Variants in C5orf22 observed in about 807,000 individuals in gnomAD.
C5orf22 encodes chromosome 5 open reading frame 22, also known as UPF0489 protein C5orf22.
C5orf22 carries 36 observed loss-of-function variants against 48.7 expected under a neutral mutation model. That is an observed-to-expected ratio of 0.74 (90% CI 0.57 to 0.98). C5orf22 has a LOEUF of 0.98. Ranked by LOEUF, C5orf22 falls within the 50% of genes least tolerant of loss-of-function variation. The pLI is 0.00. For missense variants in C5orf22, 486 were observed against 521.9 expected (o/e 0.93, Z 0.67); for synonymous variants, 141 against 180.8 (o/e 0.78, Z 1.76).
intron 3 of C5orf22, among the ~76,000 whole-genome samples, chr5:31,537,325 C>T (rs1357508119): frequency 6.6e-6 from 1 of 152,184 alleles, no homozygotes; most frequent in East Asian, 1.9e-4. Flanking sequence ...TTGACAAATA[C>T]TTGCATGTTT....
In C5orf22 at chr5:31,538,272, A is replaced by G. The variant is rs1412694468; in HGVS notation, c.390A>G (p.Thr130=). ...TCCTCTGATTCAGGGTTACAAGTAC[A>G]GATCATTATTTCCTAAGTGATGGTC... ...TSTTTIRVTS[T]DHYFLSDGLY... Residue 130 remains threonine, a synonymous_variant, in exon 4 of 9, where the codon ACA becomes ACG. Coordinates refer to ENST00000325366, the MANE Select transcript of C5orf22 (RefSeq NM_018356.3). 6.3e-7 allele frequency: 1 copy of G among 1,596,760 alleles called. No individual in the cohort carries two copies. The highest frequency in any genetic ancestry group is 2.2e-5 in the East Asian group (1 of 44,604).
intron 3 of C5orf22, among the ~76,000 whole-genome samples, chr5:31,536,739 A>G (rs1490371846): frequency 6.6e-6 from 1 of 152,212 alleles, no homozygotes; most frequent in African/African-American, 2.4e-5. Flanking sequence ...TTTTTATTGT[A>G]TAAGCTATTT....
At chr5:31,550,779 C>T (rs567511180) in intron 7 of C5orf22, among the ~76,000 whole-genome samples, 1 of 152,246 alleles carries the variant, frequency 6.6e-6, no homozygotes, top group African/African-American at 2.4e-5. Flanking sequence ...TCAGGCTGGT[C>T]TCCAACTCCC....
Position 31,552,801 on chromosome 5 carries a change from G to T in C5orf22, c.1228G>T (p.Asp410Tyr). ...AAGTCTGGATGATTACTGTCCTTCT[G>T]ACCAAGTTGACACTATTCAAGAAAA... is the stretch of plus-strand genomic sequence containing the variant. ...RSSLDDYCPS[D>Y]QVDTIQEKVL... Residue 410 changes from aspartate (D) to tyrosine (Y), a missense_variant, in exon 9 of 9, where the codon GAC (aspartate) becomes TAC (tyrosine). Coordinates refer to ENST00000325366, the MANE Select transcript of C5orf22 (RefSeq NM_018356.3). 2 of 1,613,440 alleles carry T rather than the reference G, an allele frequency of 1.2e-6. No individual in the cohort carries two copies. The highest frequency in any genetic ancestry group is 2.2e-5 in the South Asian group (2 of 91,000).
chr5:31,535,324 T>TTTCTCATTTTGCCACACATAATA (rs1742008342), intron 2 of C5orf22, among the ~76,000 whole-genome samples: 1 of 152,238 alleles, frequency 6.6e-6, no homozygotes, highest in Non-Finnish European at 1.5e-5. Flanking sequence ...TTTCTGTGCA[T>TTTCTCATTTTGCCACACATAATA]TTCTCATTTT....
At chr5:31,547,069 C>A (rs990286852) in intron 7 of C5orf22, among the ~76,000 whole-genome samples, 8 of 152,232 alleles carry the variant, frequency 5.3e-5, no homozygotes, top group Admixed American at 2.0e-4. Context: ...TTCCTAGATA[C>A]AATGGATGTA....
At chr5:31,541,834 T>C (rs948030526) in intron 6 of C5orf22, among the ~76,000 whole-genome samples, 4 of 152,210 alleles carry the variant, frequency 2.6e-5, no homozygotes. Context: ...GTAGACATTA[T>C]TGAGTGTTTT....
In C5orf22 at chr5:31,538,545, A is replaced by T. The variant is rs1279609387; in HGVS notation, c.663A>T (p.Ser221=). The T allele has an allele frequency of 2.5e-6, 4 of 1,614,052 alleles. No individual in the cohort carries two copies. The highest frequency in any genetic ancestry group is 3.4e-6 in the Non-Finnish European group (4 of 1,180,016). ...AGACTTGCCTAGAACCATCATGTTC[A>T]TGTTCTTCTGAAAATCAGGAATGCC... ...SDQTCLEPSC[S]CSSENQECQT... The change falls in exon 4 of 9, where the codon TCA becomes TCT. Residue 221 remains serine (S), a synonymous_variant. Coordinates refer to ENST00000325366, the MANE Select transcript of C5orf22 (RefSeq NM_018356.3).
In C5orf22 at chr5:31,532,366, T is replaced by C; in HGVS notation, c.-27T>C. 1 of 1,613,390 alleles carries C rather than the reference T, an allele frequency of 6.2e-7. No homozygotes were observed. Among genetic ancestry groups the C allele is most frequent in the Admixed American group, 1.7e-5 (1 of 60,016 alleles). ...GGGTCTTCTCCAGCTGCCACCGCTT[T>C]ACTGCAAAACTGACGGGCGCAAAAA... On this transcript the variant is annotated 5_prime_UTR_variant, in exon 1 of 9. Coordinates refer to ENST00000325366, the MANE Select transcript of C5orf22 (RefSeq NM_018356.3).
intron 6 of C5orf22, among the ~76,000 whole-genome samples, chr5:31,541,935 A>G (rs1480524770): frequency 6.6e-6 from 1 of 152,074 alleles, no homozygotes; most frequent in Non-Finnish European, 1.5e-5. Flanking sequence ...TGTCAATTTT[A>G]TAGATGAGGA....
Position 31,541,309 on chromosome 5 carries a change from G to T in C5orf22, c.899G>T (p.Arg300Leu). 1 of 1,609,168 alleles carries T rather than the reference G, an allele frequency of 6.2e-7. No individual in the cohort carries two copies. Among genetic ancestry groups the T allele is most frequent in the Non-Finnish European group, 8.5e-7 (1 of 1,175,646 alleles). ...GATTTGGTAGATATTGTTGATACTC[G>T]AATTCATCAATTAGAGGATTTAGAA... Reference protein sequence around the residue: ...EEDLVDIVDTRIHQLEDLEAT... With the variant: ...EEDLVDIVDTLIHQLEDLEAT... Residue 300 changes from arginine to leucine, a missense_variant, in exon 6 of 9, where the codon CGA becomes CTA. Coordinates refer to ENST00000325366, the MANE Select transcript of C5orf22 (RefSeq NM_018356.3).
intron 5 of C5orf22, 21 bp from the exon 6 acceptor site, chr5:31,541,260 A>G: frequency 2.5e-6 from 4 of 1,606,104 alleles, no homozygotes; most frequent in African/African-American, 1.3e-5. Flanking sequence ...ATATAATCTC[A>G]GCTTTTCAAT....
intron 6 of C5orf22, among the ~76,000 whole-genome samples, chr5:31,544,022 C>T (rs1742648761): frequency 6.6e-6 from 1 of 151,984 alleles, no homozygotes; most frequent in Admixed American, 6.6e-5. Context: ...CAACCATGAC[C>T]CTAAAGAGCC....
Position 31,553,326 on chromosome 5 carries a change from C to T in C5orf22, c.*424C>T. On this transcript the variant is annotated 3_prime_UTR_variant, in exon 9 of 9. Coordinates refer to ENST00000325366, the MANE Select transcript of C5orf22 (RefSeq NM_018356.3). Reference sequence around the variant, plus strand: ...TGGTAATGAACAGAATAGACAAGGCCCCTGCCCTTTTAGGGGAGACAGATG... The same window carrying T: ...TGGTAATGAACAGAATAGACAAGGCTCCTGCCCTTTTAGGGGAGACAGATG... 6.4e-6 allele frequency: 1 copy of T among 156,302 alleles called. No homozygotes were observed. The highest frequency in any genetic ancestry group is 1.4e-5 in the Non-Finnish European group (1 of 70,550). The allele number at this position is 156,302 out of a possible 1,614,324, so 9.7% of individuals were successfully genotyped here.
intron 4 of C5orf22, 76 bp from the exon 5 acceptor site, chr5:31,540,872 CT>C: frequency 1.9e-6 from 2 of 1,028,596 alleles, no homozygotes; most frequent in Non-Finnish European, 3.0e-6. Flanking sequence ...GGAAGGTTGT[CT>C]CTTCCTTAAA....
chr5:31,548,089 G>T lies in C5orf22; in HGVS notation c.1059+2377G>T, dbSNP rs2877200. ...GGCCAAGGCTGGCGGATCATTTGAG[G>T]CCAGGAGTTCAAGACCAACCTGGCC... is the stretch of plus-strand genomic sequence containing the variant. On this transcript the variant is annotated intron_variant, in intron 7 of 8. Transcript: ENST00000325366. Among the ~76,000 whole-genome samples the T allele has an allele frequency of 0.018, 2,675 of 152,208 alleles. 133 individuals are homozygous for T. The East Asian group carries it at 0.19, about 11-fold the overall frequency.
chr5:31,538,502 C>G lies in C5orf22; in HGVS notation c.620C>G (p.Ala207Gly). ...SSSEGLEKDT[A>G]TQRSDQTCLE... ...TCAGAAGGACTGGAAAAGGACACAG[C>G]AACACAGAGAAGTGACCAGACTTGC... The change falls in exon 4 of 9, where the codon GCA (alanine) becomes GGA (glycine). Residue 207 changes from alanine (A) to glycine (G), a missense_variant. Ala to Gly is a moderately conservative substitution (Grantham distance 60, BLOSUM62 0). This residue lies in a region of C5orf22 where 408 missense variants were observed against 444.0 expected (regional missense o/e 0.92). Coordinates refer to ENST00000325366, the MANE Select transcript of C5orf22 (RefSeq NM_018356.3). 2 of 1,614,166 alleles carry G rather than the reference C, an allele frequency of 1.2e-6. No homozygotes were observed. The highest frequency in any genetic ancestry group is 1.7e-6 in the Non-Finnish European group (2 of 1,180,008).
In C5orf22 at chr5:31,552,982, C is replaced by A; in HGVS notation, c.*80C>A. ...TTAACTTATTTGTACATGAGTCTTC[C>A]AGAGAACACTGTTTTATATTAACTT... On this transcript the variant is annotated 3_prime_UTR_variant, in exon 9 of 9. Transcript: ENST00000325366. 4 of 1,227,196 alleles carry A rather than the reference C, an allele frequency of 3.3e-6. No homozygotes were observed. Among genetic ancestry groups the A allele is most frequent in the Non-Finnish European group, 3.5e-6 (3 of 862,012 alleles). The allele number at this position is 1,227,196 out of a possible 1,614,324, so 76.0% of individuals were successfully genotyped here. A position where few individuals can be genotyped will look rare whatever the true frequency, so the allele number is the denominator to read the frequency against.
At chr5:31,544,563 A>G (rs1469663017) in intron 6 of C5orf22, among the ~76,000 whole-genome samples, 3 of 151,994 alleles carry the variant, frequency 2.0e-5, no homozygotes, top group Non-Finnish European at 4.4e-5. Flanking sequence ...CAGCCTGGGC[A>G]ACAGAGTGAG....
Sources: gnomAD v4.1 joint callset for allele counts (sites outside exome capture counted in the v4.1 genomes callset) on GRCh38, gnomAD v4.1.1 for gene constraint, gnomAD v4.1.1 regional missense constraint, MANE v1.5 for transcripts, NCBI Gene and HGNC (gene_info 2026-07-23, HGNC 2026-07-21) for gene names.